SHISA6: variants seen among roughly 807,000 people sequenced by gnomAD.
SHISA6 encodes the protein shisa family member 6.
In SHISA6, 22 loss-of-function variants were observed where a neutral mutation model predicts 47.9. The observed-to-expected ratio is 0.46, with a 90% CI of 0.33 to 0.66. SHISA6 has a LOEUF of 0.66. Ranked by LOEUF, SHISA6 falls within the 30% of genes least tolerant of loss-of-function variation. The pLI is 0.02. For synonymous variants in SHISA6, 388 were observed against 337.8 expected (o/e 1.15, Z -1.63); for missense variants, 680 against 764.6 (o/e 0.89, Z 1.30).
chr17:11,263,648 C>A (rs1334930767), intron 2 of SHISA6, 122 bp downstream of exon 2: 15 of 1,268,298 alleles, frequency 1.2e-5, no homozygotes, highest in Non-Finnish European at 3.2e-6. Flanking sequence ...CATGGACAGG[C>A]AGGCTGGCAA....
At chr17:11,350,182 A>ATTTTATTTTT (rs1555529933) in intron 2 of SHISA6, among the ~76,000 whole-genome samples, 1 of 116,240 alleles carries the variant, frequency 8.6e-6, no homozygotes, top group East Asian at 2.7e-4. Context: ...TTATTTATTT[A>ATTTTATTTTT]TTTTTTTTTT....
At chr17:11,355,613 A>G (rs570357323) in intron 2 of SHISA6, among the ~76,000 whole-genome samples, 13 of 152,310 alleles carry the variant, frequency 8.5e-5, no homozygotes, top group African/African-American at 2.4e-4. Flanking sequence ...CCAAAAATAT[A>G]TCAAATAAAG....
intron 3 of SHISA6, among the ~76,000 whole-genome samples, chr17:11,421,084 A>G (rs1471891453): frequency 1.3e-5 from 2 of 152,090 alleles, no homozygotes; most frequent in African/African-American, 2.4e-5. Flanking sequence ...ATGTGCCTTC[A>G]TTTCAATTTG....
At chr17:11,364,945 A>G (rs1912395497) in intron 2 of SHISA6, among the ~76,000 whole-genome samples, 1 of 152,142 alleles carries the variant, frequency 6.6e-6, no homozygotes, top group Admixed American at 6.5e-5. Flanking sequence ...ACTTTCTTGA[A>G]GCCATGAAAA....
At chr17:11,449,039 T>C (rs1915311529) in intron 3 of SHISA6, among the ~76,000 whole-genome samples, 1 of 152,106 alleles carries the variant, frequency 6.6e-6, no homozygotes, top group Non-Finnish European at 1.5e-5. Context: ...TGATAACAAG[T>C]GGGGAAAGGA....
intron 2 of SHISA6, among the ~76,000 whole-genome samples, chr17:11,330,052 T>C (rs205030): frequency 0.99 from 151,368 of 152,234 alleles, 75,258 homozygotes; most frequent in Middle Eastern, 1. Context: ...GAGTAGAATA[T>C]GGCCGCCAGC....
intron 1 of SHISA6, among the ~76,000 whole-genome samples, chr17:11,254,532 A>T (rs1229328372): frequency 6.6e-6 from 1 of 152,182 alleles, no homozygotes; most frequent in African/African-American, 2.4e-5. Context: ...AGGACTTATG[A>T]GGCATTTTAG....
At chr17:11,263,795 A>T (rs1567554218) in intron 2 of SHISA6, among the ~76,000 whole-genome samples, 1 of 152,164 alleles carries the variant, frequency 6.6e-6, no homozygotes, top group Non-Finnish European at 1.5e-5. Context: ...CTCTTACCGG[A>T]AAAGGAGCTT....
At chr17:11,479,084 T>G (rs1265046954) in intron 3 of SHISA6, among the ~76,000 whole-genome samples, 1 of 152,090 alleles carries the variant, frequency 6.6e-6, no homozygotes, top group Non-Finnish European at 1.5e-5. Flanking sequence ...AAAACCTTTT[T>G]TTTAATGGTT....
At chr17:11,326,107 T>TA (rs1421657422) in intron 2 of SHISA6, among the ~76,000 whole-genome samples, 1 of 152,016 alleles carries the variant, frequency 6.6e-6, no homozygotes, top group East Asian at 1.9e-4. Flanking sequence ...CTGTCTCTAC[T>TA]AAAAATACAA....
intron 2 of SHISA6, among the ~76,000 whole-genome samples, chr17:11,269,601 C>T (rs1450663586): frequency 6.6e-6 from 1 of 152,208 alleles, no homozygotes; most frequent in African/African-American, 2.4e-5. Context: ...CTGGGCTGTG[C>T]AGCTGAACTG....
At chr17:11,405,240 G>C (rs188144114) in intron 3 of SHISA6, among the ~76,000 whole-genome samples, 1 of 152,292 alleles carries the variant, frequency 6.6e-6, no homozygotes, top group East Asian at 1.9e-4. Context: ...ACCAGGGGAT[G>C]TTGTCAACAT....
At chr17:11,438,420 G>T (rs894211024) in intron 3 of SHISA6, among the ~76,000 whole-genome samples, 19 of 152,248 alleles carry the variant, frequency 1.2e-4, no homozygotes, top group East Asian at 3.9e-4. Flanking sequence ...CACACTTCTG[G>T]AGGCTGAAAG....
chr17:11,384,486 C>T (rs1181820253), intron 3 of SHISA6, among the ~76,000 whole-genome samples: 2 of 152,214 alleles, frequency 1.3e-5, no homozygotes, highest in African/African-American at 4.8e-5. Flanking sequence ...AAACCCTATT[C>T]GACTTTGGCA....
intron 1 of SHISA6, among the ~76,000 whole-genome samples, chr17:11,244,487 T>A (rs898801350): frequency 6.6e-6 from 1 of 152,138 alleles, no homozygotes; most frequent in African/African-American, 2.4e-5. Context: ...AGGGTGAGTG[T>A]GCAAGTTGAT....
intron 2 of SHISA6, among the ~76,000 whole-genome samples, chr17:11,324,663 G>T (rs188405701): frequency 1.6e-4 from 24 of 152,248 alleles, no homozygotes; most frequent in African/African-American, 5.8e-4. Context: ...AACTCCTCAA[G>T]ACCCTTCTGT....
chr17:11,380,218 C>T (rs985384377), intron 3 of SHISA6: 2 of 152,194 alleles, frequency 1.3e-5, no homozygotes, highest in African/African-American at 4.8e-5. Flanking sequence ...CGTCCCAACA[C>T]CTGTGTGCTG....
intron 3 of SHISA6, among the ~76,000 whole-genome samples, chr17:11,462,732 A>G (rs1272175288): frequency 6.6e-6 from 1 of 151,896 alleles, no homozygotes; most frequent in African/African-American, 2.4e-5. Flanking sequence ...GGTTCAAGCA[A>G]TTTTCCTGCC....
chr17:11,262,612 T>C (rs1047598743), intron 1 of SHISA6, among the ~76,000 whole-genome samples: 1 of 152,230 alleles, frequency 6.6e-6, no homozygotes, highest in African/African-American at 2.4e-5. Context: ...CGTCAGTCAA[T>C]GCATGTTTGG....
Sources: gnomAD v4.1 joint callset for allele counts (sites outside exome capture counted in the v4.1 genomes callset) on GRCh38, gnomAD v4.1.1 for gene constraint, MANE v1.5 for transcripts, NCBI Gene and HGNC (gene_info 2026-07-23, HGNC 2026-07-21) for gene names.